BLTP3A: variants seen among roughly 807,000 people sequenced by gnomAD.
The protein encoded by BLTP3A is bridge-like lipid transfer protein family member 3A, also known as ICBP90 binding protein 1.
the BLTP3A span, among the ~76,000 whole-genome samples, chr6:34,840,062 A>G: frequency 6.6e-6 from 1 of 152,236 alleles, no homozygotes; most frequent in Non-Finnish European, 1.5e-5. Flanking sequence ...CATGGCTGTG[A>G]TAACAGGTGG....
chr6:34,812,766 T>C, the BLTP3A span, among the ~76,000 whole-genome samples: 1 of 152,158 alleles, frequency 6.6e-6, no homozygotes, highest in African/African-American at 2.4e-5. Context: ...TGAAGAAGTT[T>C]TGAGAGTAAA....
At chr6:34,850,417 C>T in the BLTP3A span, among the ~76,000 whole-genome samples, 1 of 152,138 alleles carries the variant, frequency 6.6e-6, no homozygotes, top group African/African-American at 2.4e-5. Context: ...GGAAAATTCT[C>T]TGTTATTATC....
At chr6:34,837,591 T>C in the BLTP3A span, among the ~76,000 whole-genome samples, 1 of 152,174 alleles carries the variant, frequency 6.6e-6, no homozygotes, top group Middle Eastern at 3.4e-3. Flanking sequence ...GGTGGGAGAA[T>C]TGCTTGAGCC....
chr6:34,875,160 A>C, the BLTP3A span: 1 of 152,744 alleles, frequency 6.5e-6, no homozygotes, highest in South Asian at 2.1e-4. Context: ...GTTTATGAGG[A>C]ATCCTTGCAT....
the BLTP3A span, among the ~76,000 whole-genome samples, chr6:34,833,523 TTAGA>T: frequency 6.6e-6 from 1 of 152,146 alleles, no homozygotes; most frequent in South Asian, 2.1e-4. Context: ...ATCTAAATAT[TTAGA>T]TAGTTTGTGG....
At chr6:34,848,971 G>A in the BLTP3A span, among the ~76,000 whole-genome samples, 1 of 99,050 alleles carries the variant, frequency 1.0e-5, no homozygotes, top group Non-Finnish European at 2.0e-5. Flanking sequence ...TTTTTTTTTG[G>A]TGCGTCTGTG....
chr6:34,840,700 C>G, the BLTP3A span, among the ~76,000 whole-genome samples: 91 of 151,998 alleles, frequency 6.0e-4, no homozygotes, highest in African/African-American at 2.0e-3. Flanking sequence ...ACTGCAAGCT[C>G]TGCCTCCCGG....
chr6:34,857,462 A>G, the BLTP3A span: 14 of 1,613,850 alleles, frequency 8.7e-6, no homozygotes, highest in Non-Finnish European at 1.2e-5. Context: ...GATAATCAGG[A>G]GCTTCCAGGT....
the BLTP3A span, among the ~76,000 whole-genome samples, chr6:34,854,495 G>A: frequency 1.7e-4 from 26 of 152,158 alleles, no homozygotes; most frequent in African/African-American, 4.3e-4. Context: ...TAAAAAGAGC[G>A]TGCTTTATAC....
the BLTP3A span, among the ~76,000 whole-genome samples, chr6:34,795,239 C>A: frequency 6.6e-5 from 10 of 151,974 alleles, no homozygotes; most frequent in South Asian, 2.1e-3. Context: ...CACCATGCCC[C>A]TGGCTAATTT....
At chr6:34,849,060 G>T in the BLTP3A span, among the ~76,000 whole-genome samples, 1 of 150,276 alleles carries the variant, frequency 6.7e-6, no homozygotes, top group Non-Finnish European at 1.5e-5. Context: ...GTGAAGTGGC[G>T]TGATCTCAGC....
chr6:34,794,964 A>G, the BLTP3A span, among the ~76,000 whole-genome samples: 1 of 146,186 alleles, frequency 6.8e-6, no homozygotes, highest in Non-Finnish European at 1.5e-5. Context: ...TTTTTTTTGT[A>G]TTTTAGTAGA....
At chr6:34,833,870 C>T in the BLTP3A span, among the ~76,000 whole-genome samples, 7 of 138,858 alleles carry the variant, frequency 5.0e-5, no homozygotes, top group South Asian at 2.2e-4. Flanking sequence ...TGCAGGTGGC[C>T]GAGATCGCGC....
chr6:34,862,116 C>T, the BLTP3A span, among the ~76,000 whole-genome samples: 3 of 152,216 alleles, frequency 2.0e-5, no homozygotes, highest in South Asian at 4.1e-4. Context: ...CGGTGGCTCA[C>T]GCTTGTAATC....
the BLTP3A span, among the ~76,000 whole-genome samples, chr6:34,796,461 T>C: frequency 2.0e-5 from 3 of 152,212 alleles, no homozygotes; most frequent in Admixed American, 1.3e-4. Context: ...TGACTGCTGC[T>C]CAATGCAAAT....
chr6:34,870,795 G>C, the BLTP3A span: 6 of 1,572,750 alleles, frequency 3.8e-6, no homozygotes, highest in Non-Finnish European at 5.2e-6. Context: ...TGGTATATAA[G>C]GTGCCTAGAA....
chr6:34,833,325 G>A, the BLTP3A span, among the ~76,000 whole-genome samples: 1 of 152,092 alleles, frequency 6.6e-6, no homozygotes, highest in Non-Finnish European at 1.5e-5. Context: ...ACAGGGTCAA[G>A]GTGGGACTGA....
chr6:34,801,305 A>G, the BLTP3A span, among the ~76,000 whole-genome samples: 2 of 152,206 alleles, frequency 1.3e-5, 1 homozygote, highest in Admixed American at 1.3e-4. Context: ...ATAGTGACGT[A>G]ATGTTGAATA....
chr6:34,794,778 TAG>T, the BLTP3A span, among the ~76,000 whole-genome samples: 1 of 139,862 alleles, frequency 7.1e-6, no homozygotes, highest in Non-Finnish European at 1.5e-5. Flanking sequence ...CCTATGAACG[TAG>T]AGTTTTTTTG....
Sources: gnomAD v4.1 joint callset for allele counts (sites outside exome capture counted in the v4.1 genomes callset) on GRCh38, gnomAD v4.1.1 for gene constraint, MANE v1.5 for transcripts, NCBI Gene and HGNC (gene_info 2026-07-23, HGNC 2026-07-21) for gene names.